The following RGS21 variants were observed in gnomAD, a reference collection of about 807,000 sequenced individuals.
The protein encoded by RGS21 is regulator of G-protein signalling 21.
Under a neutral mutation model 18.7 loss-of-function variants are expected in RGS21, and 19 were observed. The ratio of observed to expected loss-of-function variants is 1.01; its 90% confidence interval spans 0.71 to 1.49. The LOEUF (loss-of-function observed/expected upper bound fraction) is 1.49. Among genes scored for constraint, RGS21 ranks in the 40% most tolerant of loss-of-function variants. The pLI, the probability that RGS21 is intolerant of heterozygous loss-of-function variation, is 0.00. For missense variants in RGS21, 194 were observed against 176.8 expected, an observed-to-expected ratio of 1.10 and a Z score of -0.55; for synonymous variants, 56 against 57.8, an observed-to-expected ratio of 0.97 and a Z score of 0.14.
At chr1:192,347,988 G>C (rs1371122373) in intron 3 of RGS21, among the ~76,000 whole-genome samples, 5 of 148,574 alleles carry the variant, frequency 3.4e-5, no homozygotes, top group Non-Finnish European at 5.9e-5. Flanking sequence ...GTGTGTGTGT[G>C]TGTATACACA....
chr1:192,336,177 G>T (rs189016178), intron 1 of RGS21, among the ~76,000 whole-genome samples: 3 of 152,138 alleles, frequency 2.0e-5, no homozygotes, highest in Admixed American at 2.0e-4. Flanking sequence ...GGCTCAGGCC[G>T]GGCACAGTGG....
chr1:192,360,356 T>C (rs2102238131), intron 4 of RGS21, among the ~76,000 whole-genome samples: 1 of 152,304 alleles, frequency 6.6e-6, no homozygotes, highest in East Asian at 1.9e-4. Context: ...TTCTTTAGAC[T>C]ATTTCTAATA....
intron 2 of RGS21, 73 bp downstream of exon 2, chr1:192,343,120 C>A: frequency 7.3e-7 from 1 of 1,363,528 alleles, no homozygotes; most frequent in Non-Finnish European, 1.0e-6. Flanking sequence ...CTTTTAGTCT[C>A]GATGTTTTAT....
At chr1:192,361,423 A>G (rs1659186033) in intron 4 of RGS21, among the ~76,000 whole-genome samples, 1 of 152,190 alleles carries the variant, frequency 6.6e-6, no homozygotes, top group Middle Eastern at 3.2e-3. Context: ...AAGACAGCTT[A>G]ATTCCACTTC....
At chr1:192,353,391 A>G (rs1246971667) in intron 4 of RGS21, among the ~76,000 whole-genome samples, 1 of 151,942 alleles carries the variant, frequency 6.6e-6, no homozygotes, top group African/African-American at 2.4e-5. Flanking sequence ...ATTTATTTCC[A>G]AGTCATCATC....
chr1:192,332,595 A>G (rs1440781243), intron 1 of RGS21, among the ~76,000 whole-genome samples: 1 of 152,220 alleles, frequency 6.6e-6, no homozygotes, highest in Non-Finnish European at 1.5e-5. Flanking sequence ...AAAAGAAACA[A>G]CAATAAATTG....
chr1:192,366,528 C>T lies in RGS21; in HGVS notation c.*404C>T, dbSNP rs1659261848. On this transcript the variant is annotated 3_prime_UTR_variant, in exon 5 of 5. Coordinates refer to ENST00000417209, the MANE Select transcript of RGS21 (RefSeq NM_001039152.3). Reference sequence around the variant, plus strand: ...CTTTTGTAAAAAGAGAATTTCTGAACCAAAATACAAGCTTTCATTTAATAT... The same window carrying T: ...CTTTTGTAAAAAGAGAATTTCTGAATCAAAATACAAGCTTTCATTTAATAT... 1 of 152,892 alleles carries T rather than the reference C, an allele frequency of 6.5e-6. No homozygotes were observed. The highest frequency in any genetic ancestry group is 2.0e-4 in the South Asian group (1 of 4,882). 9.5% of individuals were successfully genotyped at this position (152,892 alleles called of 1,614,324 possible).
chr1:192,326,579 T>C (rs932782823), intron 1 of RGS21, among the ~76,000 whole-genome samples: 8 of 152,114 alleles, frequency 5.3e-5, no homozygotes, highest in Non-Finnish European at 1.0e-4. Context: ...GTTGTCTTTA[T>C]TTTGATGAAT....
intron 4 of RGS21, among the ~76,000 whole-genome samples, chr1:192,362,728 A>G (rs369252655): frequency 4.2e-4 from 64 of 152,304 alleles, no homozygotes; most frequent in African/African-American, 1.5e-3. Flanking sequence ...AATGACGAGC[A>G]TAAGTCAGAA....
At chr1:192,359,653 G>A (rs946273041) in intron 4 of RGS21, among the ~76,000 whole-genome samples, 213 of 104,506 alleles carry the variant, frequency 2.0e-3, no homozygotes, top group African/African-American at 8.7e-3. Flanking sequence ...ATGTGTGTGT[G>A]TGTATATATA....
intron 3 of RGS21, among the ~76,000 whole-genome samples, chr1:192,347,683 TCTCA>T (rs1193840471): frequency 6.6e-6 from 1 of 151,754 alleles, no homozygotes; most frequent in Non-Finnish European, 1.5e-5. Flanking sequence ...TAATACAGAG[TCTCA>T]CTCTCTCTCT....
In RGS21 at chr1:192,366,080, A is replaced by G; in HGVS notation, c.415A>G (p.Ser139Gly). The G allele has an allele frequency of 6.2e-7, 1 of 1,611,770 alleles. No individual in the cohort carries two copies. Among genetic ancestry groups the G allele is most frequent in the Non-Finnish European group, 8.5e-7 (1 of 1,178,798 alleles). ...AGAGATTTATAAAAAACTGGTAAAT[A>G]GCCAACAGGTTCCAAATCATAAAAA... ...KSEIYKKLVNSQQVPNHKKWL... is the reference protein window; with the variant it reads ...KSEIYKKLVNGQQVPNHKKWL... Residue 139 changes from serine (S) to glycine (G), a missense_variant, in exon 5 of 5, where the codon AGC becomes GGC. Coordinates refer to ENST00000417209, the MANE Select transcript of RGS21 (RefSeq NM_001039152.3).
chr1:192,357,747 C>G (rs1659131021), intron 4 of RGS21, among the ~76,000 whole-genome samples: 1 of 151,988 alleles, frequency 6.6e-6, no homozygotes. Flanking sequence ...ATAAAATTAT[C>G]TAGTCACATA....
intron 4 of RGS21, among the ~76,000 whole-genome samples, chr1:192,354,813 T>C (rs1214601913): frequency 6.6e-6 from 1 of 151,690 alleles, no homozygotes; most frequent in Non-Finnish European, 1.5e-5. Flanking sequence ...CTTTTCAAAG[T>C]TTTATATCTT....
intron 3 of RGS21, 63 bp downstream of exon 3, chr1:192,347,452 A>G: frequency 1.1e-5 from 9 of 816,692 alleles, no homozygotes; most frequent in Non-Finnish European, 1.9e-5. Flanking sequence ...TAAATTCTGA[A>G]AGTTGGTAAC....
intron 1 of RGS21, among the ~76,000 whole-genome samples, chr1:192,336,777 T>TA (rs201005228): frequency 1.6e-3 from 247 of 150,766 alleles, no homozygotes; most frequent in African/African-American, 5.5e-3. Flanking sequence ...AGTTAAGGGT[T>TA]AAAAAAAAAT....
chr1:192,355,982 A>C (rs1190849665), intron 4 of RGS21, among the ~76,000 whole-genome samples: 1 of 151,682 alleles, frequency 6.6e-6, no homozygotes, highest in Non-Finnish European at 1.5e-5. Flanking sequence ...ATATAAATTC[A>C]ATTTCACACT....
chr1:192,352,281 T>C, intron 4 of RGS21, 68 bp downstream of exon 4: 1 of 1,075,560 alleles, frequency 9.3e-7, no homozygotes. Flanking sequence ...TAGAAGACCT[T>C]AAATCCATCT....
At chr1:192,334,885 C>T (rs1464136062) in intron 1 of RGS21, among the ~76,000 whole-genome samples, 2 of 152,042 alleles carry the variant, frequency 1.3e-5, no homozygotes, top group Non-Finnish European at 2.9e-5. Flanking sequence ...TAAAATAAAC[C>T]ATAATCCACT....
Sources: allele counts gnomAD v4.1 joint callset (sites outside exome capture counted in the v4.1 genomes callset), GRCh38; gene constraint gnomAD v4.1.1; transcripts MANE v1.5; gene names NCBI Gene and HGNC (gene_info 2026-07-23, HGNC 2026-07-21).